BACH2: variants seen among roughly 807,000 people sequenced by gnomAD.
The protein encoded by BACH2 is BACH transcriptional regulator 2.
A neutral mutation model predicts 61.8 loss-of-function variants in BACH2; 5 were observed. The ratio of observed to expected loss-of-function variants is 0.08; its 90% CI spans 0.04 to 0.17. BACH2 has a LOEUF of 0.17. Ranked by LOEUF, BACH2 falls within the 10% of genes least tolerant of loss-of-function variation. BACH2 has a pLI of 1.00. For synonymous variants in BACH2, 446 were observed against 440.1 expected (o/e 1.01, Z -0.17); for missense variants, 824 against 1,091.1 (o/e 0.76, Z 3.45).
rs1175551399 is a variant in BACH2, at chr6:90,059,285, AC to A, written c.-13+29675del. On this transcript the variant is annotated intron_variant, in intron 5 of 8. Transcript: ENST00000257749. ...ACTCCAACAAATTTACAAGAAAAAAACAAACAACCCCATCAACAAGTGGGCA... is the reference window on the plus strand; with the variant it reads ...ACTCCAACAAATTTACAAGAAAAAAAAAACAACCCCATCAACAAGTGGGCA... Among the ~76,000 whole-genome samples the A allele has an allele frequency of 3.9e-5, 6 of 152,260 alleles. No homozygotes were observed. In the East Asian group the frequency reaches 9.6e-4, roughly 24 times the overall value.
At chr6:90,289,356 C>G (rs1198527096) in intron 1 of BACH2, among the ~76,000 whole-genome samples, 1 of 152,152 alleles carries the variant, frequency 6.6e-6, no homozygotes, top group East Asian at 1.9e-4. Context: ...CACACCTAGC[C>G]CTGGGTTGTT....
intron 6 of BACH2, among the ~76,000 whole-genome samples, chr6:89,989,585 T>C (rs1362295203): frequency 1.3e-5 from 2 of 152,026 alleles, no homozygotes; most frequent in South Asian, 4.2e-4. Context: ...CAGCATGCAT[T>C]ATAGTTGCAG....
intron 3 of BACH2, among the ~76,000 whole-genome samples, chr6:90,226,027 C>T (rs1226057573): frequency 1.3e-5 from 2 of 152,120 alleles, no homozygotes; most frequent in African/African-American, 4.8e-5. Flanking sequence ...TGCAGACTCT[C>T]CAGGTGATTC....
At chr6:90,294,869 A>G (rs561206788) in intron 1 of BACH2, among the ~76,000 whole-genome samples, 2 of 152,272 alleles carry the variant, frequency 1.3e-5, no homozygotes, top group African/African-American at 4.8e-5. Flanking sequence ...ATCTGAGAAA[A>G]CCGTTATCAG....
intron 5 of BACH2, among the ~76,000 whole-genome samples, chr6:90,021,206 T>C (rs1162177385): frequency 2.0e-5 from 3 of 151,686 alleles, no homozygotes; most frequent in Non-Finnish European, 4.4e-5. Flanking sequence ...ACTTACTCAT[T>C]AACTCACTCA....
chr6:90,173,677 G>A (rs539878280), intron 4 of BACH2, among the ~76,000 whole-genome samples: 5 of 152,260 alleles, frequency 3.3e-5, no homozygotes, highest in Non-Finnish European at 7.4e-5. Context: ...AGACGTGAGG[G>A]AAGGAAACTG....
chr6:90,247,311 T>C lies in BACH2; in HGVS notation c.-275+5202A>G, dbSNP rs533821419. Among the ~76,000 whole-genome samples, 268 of 151,752 alleles carry C rather than the reference T, an allele frequency of 1.8e-3. 1 individual carries two copies. The highest frequency in any genetic ancestry group is 6.0e-3 in the African/African-American group (250 of 41,346). ...GGAGTGCAGTGGTCATCATAGCTCATTGCAATCTCTAACTCCTGGGCTCAA... is the reference window on the plus strand; with the variant it reads ...GGAGTGCAGTGGTCATCATAGCTCACTGCAATCTCTAACTCCTGGGCTCAA... On this transcript the variant is annotated intron_variant, in intron 3 of 8. Transcript: ENST00000257749.
chr6:90,122,360 C>T (rs946977096), intron 4 of BACH2, among the ~76,000 whole-genome samples: 1 of 152,194 alleles, frequency 6.6e-6, no homozygotes, highest in African/African-American at 2.4e-5. Context: ...AGGCTTGTGG[C>T]AGTCTCAGAA....
chr6:90,016,411 T>C (rs1230198104), intron 5 of BACH2, among the ~76,000 whole-genome samples: 2 of 152,192 alleles, frequency 1.3e-5, no homozygotes, highest in African/African-American at 2.4e-5. Flanking sequence ...GCATGTTGTT[T>C]TGTTATTTCA....
At chr6:89,964,013 A>G (rs1774899345) in intron 6 of BACH2, among the ~76,000 whole-genome samples, 1 of 152,136 alleles carries the variant, frequency 6.6e-6, no homozygotes, top group Non-Finnish European at 1.5e-5. Context: ...TCACATTCTC[A>G]CATGGACACA....
chr6:90,011,320 G>C (rs1466335531), intron 5 of BACH2, among the ~76,000 whole-genome samples: 1 of 152,048 alleles, frequency 6.6e-6, no homozygotes, highest in East Asian at 1.9e-4. Flanking sequence ...TTTCTCTCCT[G>C]AATTACCTTT....
chr6:90,164,344 C>T (rs541341236), intron 4 of BACH2, among the ~76,000 whole-genome samples: 2 of 152,172 alleles, frequency 1.3e-5, no homozygotes, highest in East Asian at 1.9e-4. Flanking sequence ...ACACAGACAC[C>T]CTCCCAAGAC....
At chr6:90,077,462 T>C (rs563004097) in intron 5 of BACH2, among the ~76,000 whole-genome samples, 5 of 152,262 alleles carry the variant, frequency 3.3e-5, no homozygotes, top group African/African-American at 1.2e-4. Flanking sequence ...GAAGCGGGTA[T>C]CATTTTAATA....
chr6:89,937,722 G>C (rs1338699004), intron 8 of BACH2, among the ~76,000 whole-genome samples: 1 of 152,066 alleles, frequency 6.6e-6, no homozygotes, highest in South Asian at 2.1e-4. Flanking sequence ...GTAGAGACAG[G>C]GTTTCTCCAT....
At chr6:89,947,720 G>T (rs3757249) in intron 7 of BACH2, among the ~76,000 whole-genome samples, 1 of 151,364 alleles carries the variant, frequency 6.6e-6, no homozygotes, top group African/African-American at 2.4e-5. Flanking sequence ...CGCCCACCAC[G>T]ACGCCCAGCT....
At chr6:89,933,750 C>A (rs1215230984) in intron 8 of BACH2, among the ~76,000 whole-genome samples, 2 of 152,142 alleles carry the variant, frequency 1.3e-5, no homozygotes, top group Non-Finnish European at 1.5e-5. Flanking sequence ...CTATGGAAGG[C>A]CAAGTTGTGC....
At chr6:90,124,691 C>T (rs1442443842) in intron 4 of BACH2, among the ~76,000 whole-genome samples, 1 of 152,150 alleles carries the variant, frequency 6.6e-6, no homozygotes, top group African/African-American at 2.4e-5. Flanking sequence ...ATGATCATTT[C>T]TAGTTTCCCA....
chr6:90,251,518 C>A (rs1426793166), intron 3 of BACH2, among the ~76,000 whole-genome samples: 1 of 103,072 alleles, frequency 9.7e-6, no homozygotes. Flanking sequence ...TAGCACATAC[C>A]CAGCACCTGC....
intron 5 of BACH2, among the ~76,000 whole-genome samples, chr6:90,055,663 C>T (rs946916941): frequency 2.8e-5 from 4 of 141,464 alleles, no homozygotes; most frequent in Non-Finnish European, 4.4e-5. Flanking sequence ...CTCCAAGACA[C>T]GTAATTGTCA....
Sources: allele counts gnomAD v4.1 joint callset (sites outside exome capture counted in the v4.1 genomes callset), GRCh38; gene constraint gnomAD v4.1.1; transcripts MANE v1.5; gene names NCBI Gene and HGNC (gene_info 2026-07-23, HGNC 2026-07-21).